Variants in SLC25A48 observed in about 807,000 individuals in gnomAD.
SLC25A48 encodes the protein solute carrier family 25 member 48, also known as CTC-321K16.1.
In SLC25A48, 29 loss-of-function variants were observed where a neutral mutation model predicts 32.2. That is an observed-to-expected ratio of 0.90 (90% CI 0.67 to 1.23). The LOEUF (loss-of-function observed/expected upper bound fraction) is 1.23. SLC25A48 is among the 50% of genes most tolerant of loss of function. SLC25A48 has a pLI of 0.00. For missense variants in SLC25A48, 399 were observed against 422.7 expected (o/e 0.94, Z 0.49); for synonymous variants, 164 against 172.3 (o/e 0.95, Z 0.38).
Position 135,871,636 on chromosome 5 carries a change from C to T in SLC25A48, c.597C>T (p.Tyr199=), listed in dbSNP as rs746489691. Residue 199 remains tyrosine (Y), a synonymous_variant, in exon 5 of 8, where the codon TAC becomes TAT. Coordinates refer to ENST00000681962, the MANE Select transcript of SLC25A48 (RefSeq NM_001349336.2). ...VPGYCLYFIP[Y]VFLSEWITPE... is the part of the protein sequence containing the mutation. ...GCTATTGCCTCTACTTCATCCCCTA[C>T]GTGTTCCTGAGTGAGTGGATCACAC... 42 of 1,614,082 alleles carry T rather than the reference C, an allele frequency of 2.6e-5. No homozygotes were observed. The highest frequency in any genetic ancestry group is 1.6e-4 in the East Asian group (7 of 44,892).
Position 135,819,757 on chromosome 5 carries a change from G to C in SLC25A48, c.-117+6831G>C, listed in dbSNP as rs1055513791. Among the ~76,000 whole-genome samples, 4 of 152,090 alleles carry C rather than the reference G, an allele frequency of 2.6e-5. No homozygotes were observed. The South Asian group carries it at 6.2e-4, about 24-fold the overall frequency. On this transcript the variant is annotated intron_variant, in intron 4 of 10. Transcript: ENST00000646290. The stretch of plus-strand genomic sequence containing the variant: ...ATTGTACTTTAATTATAACAATAAA[G>C]TTATTAAAATGGGAAAAGATGTAAA...
chr5:135,761,378 C>T (rs1333631227), intron 3 of SLC25A48, among the ~76,000 whole-genome samples: 1 of 151,800 alleles, frequency 6.6e-6, no homozygotes, highest in East Asian at 1.9e-4. Context: ...TGCAGCACAC[C>T]AACATGGCAC....
At chr5:135,783,770 G>A (rs1451120396) in intron 3 of SLC25A48, among the ~76,000 whole-genome samples, 1 of 118,740 alleles carries the variant, frequency 8.4e-6, no homozygotes, top group African/African-American at 2.6e-5. Flanking sequence ...TTTCAATATC[G>A]CAGCTGGTGT....
chr5:135,822,666 C>T (rs1219856844), intron 4 of SLC25A48, among the ~76,000 whole-genome samples: 2 of 152,192 alleles, frequency 1.3e-5, no homozygotes, highest in African/African-American at 2.4e-5. Context: ...CTGCAAAGAT[C>T]CCATTTCCAA....
At chr5:135,815,860 A>G (rs1245135184) in intron 4 of SLC25A48, among the ~76,000 whole-genome samples, 1 of 152,194 alleles carries the variant, frequency 6.6e-6, no homozygotes, top group African/African-American at 2.4e-5. Context: ...AAAAAAATCT[A>G]CTCACTCTTG....
At chr5:135,600,747 A>G (rs1751776305) in intron 1 of SLC25A48, among the ~76,000 whole-genome samples, 1 of 151,588 alleles carries the variant, frequency 6.6e-6, no homozygotes, top group African/African-American at 2.4e-5. Context: ...CAGTGGTGCA[A>G]TCTCGGCTCA....
At chr5:135,804,928 TTC>T (rs1348235393) in intron 3 of SLC25A48, among the ~76,000 whole-genome samples, 2 of 151,514 alleles carry the variant, frequency 1.3e-5, no homozygotes, top group Admixed American at 1.3e-4. Context: ...AGGGAGATTT[TTC>T]TCTTAGTTTC....
intron 1 of SLC25A48, among the ~76,000 whole-genome samples, chr5:135,597,296 A>C (rs1307185237): frequency 6.6e-6 from 1 of 152,232 alleles, no homozygotes; most frequent in Non-Finnish European, 1.5e-5. Flanking sequence ...GAAGTACTAC[A>C]AAATCATGGG....
chr5:135,804,329 C>G (rs558685642), intron 3 of SLC25A48, among the ~76,000 whole-genome samples: 110 of 151,510 alleles, frequency 7.3e-4, no homozygotes, highest in African/African-American at 2.6e-3. Flanking sequence ...ATACCCCCGG[C>G]GACATTAAGA....
intron 3 of SLC25A48, among the ~76,000 whole-genome samples, chr5:135,658,826 C>T (rs1279931494): frequency 6.6e-6 from 1 of 152,270 alleles, no homozygotes; most frequent in Non-Finnish European, 1.5e-5. Flanking sequence ...AAGCAACAGT[C>T]TGAGTTATAC....
intron 1 of SLC25A48, among the ~76,000 whole-genome samples, chr5:135,601,507 T>C (rs928308153): frequency 2.6e-5 from 4 of 152,202 alleles, no homozygotes; most frequent in African/African-American, 9.7e-5. Context: ...GTCTTCACCT[T>C]GTCTACAACT....
At chr5:135,800,064 G>A (rs1443246196) in intron 3 of SLC25A48, among the ~76,000 whole-genome samples, 1 of 151,772 alleles carries the variant, frequency 6.6e-6, no homozygotes, top group African/African-American at 2.4e-5. Context: ...TGCAGGAACT[G>A]TACACCCCCC....
chr5:135,754,932 C>T (rs1473941406), intron 3 of SLC25A48, among the ~76,000 whole-genome samples: 2 of 151,760 alleles, frequency 1.3e-5, no homozygotes, highest in Non-Finnish European at 2.9e-5. Flanking sequence ...CCAGTGCTTA[C>T]ACACCAAGAT....
intron 1 of SLC25A48, among the ~76,000 whole-genome samples, chr5:135,837,443 C>T (rs955054546): frequency 4.6e-5 from 7 of 152,200 alleles, no homozygotes; most frequent in South Asian, 2.1e-4. Context: ...TCAGTGTTCT[C>T]GGGAATTTGT....
At chr5:135,663,001 C>T (rs147756532) in intron 3 of SLC25A48, among the ~76,000 whole-genome samples, 1 of 152,314 alleles carries the variant, frequency 6.6e-6, no homozygotes, top group Non-Finnish European at 1.5e-5. Flanking sequence ...ACAATGTTCA[C>T]TTTCCAGTGT....
intron 3 of SLC25A48, among the ~76,000 whole-genome samples, chr5:135,727,384 G>C (rs986655421): frequency 6.6e-6 from 1 of 151,774 alleles, no homozygotes; most frequent in Non-Finnish European, 1.5e-5. Context: ...CTCCTAGCAG[G>C]GTCTTTTTCG....
In SLC25A48 at chr5:135,690,535, C is replaced by A. The variant is rs143695374; in HGVS notation, c.-521+55579C>A. ...CCTGCTACAAGCCACTTGTGTTTTG[C>A]AGGGTTTAGCTACTGCTCTGCTATG... On this transcript the variant is annotated intron_variant, in intron 3 of 10. Transcript: ENST00000646290. Among the ~76,000 whole-genome samples, 548 of 152,286 alleles carry A rather than the reference C, an allele frequency of 3.6e-3. 5 individuals carry two copies. Among genetic ancestry groups the A allele is most frequent in the African/African-American group, 0.013 (521 of 41,558 alleles).
intron 7 of SLC25A48, among the ~76,000 whole-genome samples, chr5:135,887,349 A>T (rs1762770153): frequency 6.6e-6 from 1 of 152,130 alleles, no homozygotes; most frequent in African/African-American, 2.4e-5. Context: ...TTGTGAGAAC[A>T]TAAGATTGAA....
chr5:135,764,305 T>A (rs1756145123), intron 3 of SLC25A48, among the ~76,000 whole-genome samples: 2 of 151,956 alleles, frequency 1.3e-5, no homozygotes, highest in Non-Finnish European at 2.9e-5. Flanking sequence ...TTACTCCCAA[T>A]ATCGTGGAGG....
Sources: allele counts gnomAD v4.1 joint callset (sites outside exome capture counted in the v4.1 genomes callset), GRCh38; gene constraint gnomAD v4.1.1; transcripts MANE v1.5; gene names NCBI Gene and HGNC (gene_info 2026-07-23, HGNC 2026-07-21).